Variants in SERPINE2 observed in about 807,000 individuals in gnomAD.
The protein encoded by SERPINE2 is serpin family E member 2.
Under a neutral mutation model 36.3 loss-of-function variants are expected in SERPINE2, and 14 were observed. The observed-to-expected ratio is 0.39, with a 90% CI of 0.25 to 0.60. SERPINE2 has a LOEUF of 0.60. Among genes scored for constraint, SERPINE2 ranks in the 20% least tolerant of loss-of-function variants. SERPINE2 has a pLI of 0.57. For synonymous variants in SERPINE2, 192 were observed against 191.8 expected, an observed-to-expected ratio of 1.00 and a Z score of -0.01; for missense variants, 418 against 499.6, an observed-to-expected ratio of 0.84 and a Z score of 1.56.
chr2:223,995,087 C>T (rs1690826563), intron 3 of SERPINE2, among the ~76,000 whole-genome samples: 1 of 152,098 alleles, frequency 6.6e-6, no homozygotes, highest in African/African-American at 2.4e-5. Flanking sequence ...TGCGGTTCTC[C>T]AACAGGAGAC....
intron 2 of SERPINE2, among the ~76,000 whole-genome samples, chr2:223,999,439 T>C (rs939197284): frequency 6.6e-6 from 1 of 152,160 alleles, no homozygotes; most frequent in Non-Finnish European, 1.5e-5. Context: ...AAGAGCCGAT[T>C]TGTCACTCTG....
rs542050718 is a variant in SERPINE2, at chr2:223,975,897, C to A, written c.1164G>T (p.Val388=). The change falls in exon 9 of 9, where the codon GTG becomes GTT. Residue 388 remains valine (V), a synonymous_variant. Coordinates refer to ENST00000409304, the MANE Select transcript of SERPINE2 (RefSeq NM_001136528.2). ...FFIRHNPTGA[V]LFMGQINKP ...GTTTGTTTATCTGCCCCATGAATAACACAGCACCTACAGAATTAAAAGAAA... is the reference window on the plus strand; with the variant it reads ...GTTTGTTTATCTGCCCCATGAATAAAACAGCACCTACAGAATTAAAAGAAA... 1 of 1,597,194 alleles carries A rather than the reference C, an allele frequency of 6.3e-7. No homozygotes were observed. Among genetic ancestry groups the A allele is most frequent in the South Asian group, 1.1e-5 (1 of 88,012 alleles).
At chr2:224,008,775 T>C (rs1691515372) in intron 1 of SERPINE2, among the ~76,000 whole-genome samples, 1 of 152,244 alleles carries the variant, frequency 6.6e-6, no homozygotes, top group South Asian at 2.1e-4. Flanking sequence ...ACTGTGGAAA[T>C]GCTGAGCAAC....
At chr2:224,012,819 T>C (rs1691677392) in intron 1 of SERPINE2, among the ~76,000 whole-genome samples, 1 of 152,186 alleles carries the variant, frequency 6.6e-6, no homozygotes. Flanking sequence ...CTGAAATGTG[T>C]TCTAAAGGGG....
chr2:223,976,237 G>A (rs911473529), intron 8 of SERPINE2, among the ~76,000 whole-genome samples: 3 of 152,128 alleles, frequency 2.0e-5, no homozygotes, highest in African/African-American at 7.2e-5. Flanking sequence ...TGCAATTTCC[G>A]CCTCCTGGGT....
chr2:224,005,233 C>T lies in SERPINE2; in HGVS notation c.-22-3311G>A, dbSNP rs76858953. ...AGAATTCTGCTTCATTATAAATTTT[C>T]GCTAAAAGAACAGTTTTCCTATGAC... On this transcript the variant is annotated intron_variant, in intron 1 of 8. Coordinates refer to ENST00000409304, the MANE Select transcript of SERPINE2 (RefSeq NM_001136528.2). 6.1e-3 allele frequency among the ~76,000 whole-genome samples: 922 copies of T among 151,616 alleles called. 8 individuals are homozygous for T. Among genetic ancestry groups the T allele is most frequent in the African/African-American group, 0.021 (865 of 41,258 alleles).
At chr2:224,013,317 T>C (rs147921371) in intron 1 of SERPINE2, among the ~76,000 whole-genome samples, 34 of 152,290 alleles carry the variant, frequency 2.2e-4, no homozygotes, top group African/African-American at 7.5e-4. Flanking sequence ...CCATAAGGCA[T>C]GGACTCTCCT....
intron 4 of SERPINE2, among the ~76,000 whole-genome samples, chr2:223,991,283 C>G (rs1334938157): frequency 6.6e-6 from 1 of 152,198 alleles, no homozygotes; most frequent in Non-Finnish European, 1.5e-5. Context: ...TGGAGCGGGA[C>G]TGCTGGAGCC....
Position 223,975,711 on chromosome 2 carries a change from G to T in SERPINE2, c.*156C>A. 1.7e-6 allele frequency: 1 copy of T among 582,338 alleles called. No individual in the cohort carries two copies. The highest frequency in any genetic ancestry group is 3.2e-5 in the South Asian group (1 of 31,168). 36.1% of individuals were successfully genotyped at this position (582,338 alleles called of 1,614,324 possible). ...TGTTTTTTCCCTCCAATACCTCCCA[G>T]AACAGAAACACTTGCATCGAGTCTG... On this transcript the variant is annotated 3_prime_UTR_variant, in exon 9 of 9. Coordinates refer to ENST00000409304, the MANE Select transcript of SERPINE2 (RefSeq NM_001136528.2).
intron 2 of SERPINE2, among the ~76,000 whole-genome samples, chr2:224,000,898 A>G (rs992342055): frequency 1.3e-5 from 2 of 152,248 alleles, no homozygotes; most frequent in South Asian, 2.1e-4. Context: ...TCCATGGTGT[A>G]TATGTGCCAT....
chr2:223,988,167 C>T (rs1400250239), intron 4 of SERPINE2, among the ~76,000 whole-genome samples: 2 of 152,002 alleles, frequency 1.3e-5, no homozygotes, highest in Admixed American at 6.6e-5. Flanking sequence ...TGGGCAAGGG[C>T]AATACATATA....
rs1385000568 is a variant in SERPINE2 at position 223,980,317 on chromosome 2, C to G, written c.1066G>C (p.Ala356Pro). The change falls in exon 7 of 9, where the codon GCA (alanine) becomes CCA (proline). Residue 356 changes from alanine to proline, a missense_variant. Physicochemically the swap from Ala to Pro is conservative, Grantham distance 27. Transcript: ENST00000409304. ...VSEDGTKASA[A>P]TTAILIARSS... ...CACGTGACCCAGTGCTTACTTGTTGCTGCTGAAGCTTTGGTTCCATCTTCA... is the reference window on the plus strand; with the variant it reads ...CACGTGACCCAGTGCTTACTTGTTGGTGCTGAAGCTTTGGTTCCATCTTCA... The G allele has an allele frequency of 6.2e-7, 1 of 1,613,768 alleles. No homozygotes were observed. The highest frequency in any genetic ancestry group is 1.3e-5 in the African/African-American group (1 of 74,934).
intron 1 of SERPINE2, among the ~76,000 whole-genome samples, chr2:224,031,964 CAG>C (rs1401147304): frequency 6.6e-6 from 1 of 152,186 alleles, no homozygotes; most frequent in Non-Finnish European, 1.5e-5. Context: ...TCTTCAGGGC[CAG>C]AGTCACCTCT....
chr2:224,038,708 G>A, intron 1 of SERPINE2: 1 of 607,090 alleles, frequency 1.6e-6, no homozygotes. Context: ...GGGGTTGCCG[G>A]CGAGCAGCTG....
chr2:223,982,455 T>C (rs1366837227), intron 6 of SERPINE2: 3 of 405,580 alleles, frequency 7.4e-6, no homozygotes, highest in East Asian at 4.6e-5. Context: ...CAAAAACCAC[T>C]TGTATCCCAA....
intron 1 of SERPINE2, chr2:224,030,317 C>T: frequency 1.4e-6 from 1 of 725,120 alleles, no homozygotes; most frequent in Non-Finnish European, 1.7e-6. Flanking sequence ...GCAAGTCACT[C>T]ATTCATCAGG....
intron 1 of SERPINE2, among the ~76,000 whole-genome samples, chr2:224,019,275 T>C (rs1462796702): frequency 6.6e-6 from 1 of 152,228 alleles, no homozygotes; most frequent in Non-Finnish European, 1.5e-5. Context: ...TTTTTATATA[T>C]TATACATATG....
At chr2:224,011,249 T>C (rs927713493) in intron 1 of SERPINE2, among the ~76,000 whole-genome samples, 1 of 152,224 alleles carries the variant, frequency 6.6e-6, no homozygotes, top group Non-Finnish European at 1.5e-5. Context: ...TATAGTGACA[T>C]TGACCAATGG....
chr2:224,019,770 A>ATTTT (rs1261601893), intron 1 of SERPINE2, among the ~76,000 whole-genome samples: 27,718 of 128,898 alleles, frequency 0.22, 3,089 homozygotes, highest in African/African-American at 0.3. Flanking sequence ...TTTTTTAAAA[A>ATTTT]AAAAAAAAGA....
Sources: allele counts gnomAD v4.1 joint callset (sites outside exome capture counted in the v4.1 genomes callset), GRCh38; gene constraint gnomAD v4.1.1; transcripts MANE v1.5; gene names NCBI Gene and HGNC (gene_info 2026-07-23, HGNC 2026-07-21).